F8: variants seen among roughly 807,000 people sequenced by gnomAD.
F8 encodes antihemophilic factor.
In F8, 12 loss-of-function variants were observed where a neutral mutation model predicts 140.6. The ratio of observed to expected loss-of-function variants is 0.09; its 90% CI spans 0.05 to 0.14. The LOEUF is 0.14. Among genes scored for constraint, F8 ranks in the 10% least tolerant of loss-of-function variants. The probability of loss-of-function intolerance (pLI) is 1.00; values close to 1 mark genes in which losing one functional copy is unlikely to be tolerated. For synonymous variants in F8, 585 were observed against 614.6 expected (o/e 0.95, Z 0.71); for missense variants, 1,354 against 1,720.7 (o/e 0.79, Z 3.77).
intron 13 of F8, among the ~76,000 whole-genome samples, chrX:154,937,523 A>G (rs2073231229): frequency 9.0e-6 from 1 of 110,808 alleles, no homozygotes; most frequent in Non-Finnish European, 1.9e-5. Context: ...AATATAAATA[A>G]CAATATCAGG....
At chrX:155,003,330 G>C (rs1557285803) in intron 1 of F8, among the ~76,000 whole-genome samples, 1 of 110,069 alleles carries the variant, frequency 9.1e-6, no homozygotes, top group East Asian at 2.8e-4. Flanking sequence ...TGGGCTCATT[G>C]GTTGATGAGA....
chrX:155,001,043 T>A (rs1396538526), intron 1 of F8, among the ~76,000 whole-genome samples: 3 of 111,319 alleles, frequency 2.7e-5, no homozygotes, highest in Non-Finnish European at 5.7e-5. Context: ...TAAGAAGGGG[T>A]CTGGGCATTT....
intron 14 of F8, among the ~76,000 whole-genome samples, chrX:154,914,262 C>T (rs2073083459): frequency 8.9e-6 from 1 of 112,832 alleles, no homozygotes; most frequent in Non-Finnish European, 1.9e-5. Flanking sequence ...GCATTTTTCC[C>T]TCCTAGGCCT....
chrX:154,909,277 G>T (rs782818642), intron 14 of F8: 3 of 142,733 alleles, frequency 2.1e-5, no homozygotes, highest in Non-Finnish European at 4.2e-5. Flanking sequence ...CAATTTTGTA[G>T]ACTTCCTGGA....
In F8 at chrX:154,931,672, T is replaced by C. The variant is rs782216619; in HGVS notation, c.2118A>G (p.Leu706=). The change falls in exon 14 of 26, where the codon CTA becomes CTG. Residue 706 remains leucine, a synonymous_variant. Transcript: ENST00000360256. The stretch of plus-strand genomic sequence containing the variant: ...CTGAGTTGTGGCACCCCAGAATCCA[T>C]AGACCTGGAGATGAGGAAGAATAAG... ...TVFMSMENPG[L]WILGCHNSDF... 1.7e-5 allele frequency: 20 copies of C among 1,204,537 alleles called. No individual in the cohort carries two copies. Among genetic ancestry groups the C allele is most frequent in the Admixed American group, 4.4e-5 (2 of 45,736 alleles).
intron 1 of F8, among the ~76,000 whole-genome samples, chrX:155,022,028 A>G (rs1351116077): frequency 8.9e-6 from 1 of 111,746 alleles, no homozygotes; most frequent in African/African-American, 3.3e-5. Flanking sequence ...AGAACCAGAC[A>G]TGAAACTTGT....
chrX:155,001,096 A>G (rs989283653), intron 1 of F8, among the ~76,000 whole-genome samples: 5 of 111,304 alleles, frequency 4.5e-5, no homozygotes, highest in East Asian at 2.8e-4. Context: ...TGAAATAACA[A>G]AAGTCTCATT....
At chrX:154,979,640 C>A (rs1470117300) in intron 6 of F8, among the ~76,000 whole-genome samples, 2 of 111,779 alleles carry the variant, frequency 1.8e-5, no homozygotes, top group Middle Eastern at 4.6e-3. Context: ...GGCCCCACAG[C>A]AGCCTGCAGC....
chrX:154,838,724 T>C (rs2072494011), intron 25 of F8, among the ~76,000 whole-genome samples: 2 of 111,831 alleles, frequency 1.8e-5, no homozygotes, highest in Admixed American at 9.5e-5. Flanking sequence ...TCAGTTTTAC[T>C]TCGGATTCCA....
chrX:154,924,426 G>C (rs1603433603), intron 14 of F8, among the ~76,000 whole-genome samples: 1 of 112,523 alleles, frequency 8.9e-6, no homozygotes, highest in African/African-American at 3.2e-5. Context: ...TGAGGAACTT[G>C]TTGGGAACTG....
At chrX:154,907,383 T>C (rs1397835930) in intron 14 of F8, among the ~76,000 whole-genome samples, 1 of 112,009 alleles carries the variant, frequency 8.9e-6, no homozygotes, top group African/African-American at 3.2e-5. Flanking sequence ...TGTTATAATC[T>C]TTGGCACTTT....
intron 21 of F8, among the ~76,000 whole-genome samples, chrX:154,898,476 C>T (rs1008309659): frequency 3.6e-5 from 4 of 111,846 alleles, no homozygotes; most frequent in Non-Finnish European, 5.6e-5. Flanking sequence ...GGGAGCATTC[C>T]GGAAACAGTG....
At chrX:155,019,299 TTTCA>T (rs1557287291) in intron 1 of F8, among the ~76,000 whole-genome samples, 2 of 112,448 alleles carry the variant, frequency 1.8e-5, no homozygotes, top group African/African-American at 6.5e-5. Flanking sequence ...GAATGTTCAC[TTTCA>T]TTGTTATTAT....
chrX:154,938,798 T>A (rs2073237913), intron 13 of F8, among the ~76,000 whole-genome samples: 1 of 108,635 alleles, frequency 9.2e-6, no homozygotes, highest in South Asian at 3.9e-4. Flanking sequence ...TGAAGGAAGT[T>A]CCAAAGAAGT....
intron 1 of F8, among the ~76,000 whole-genome samples, chrX:155,019,110 T>C (rs1481695633): frequency 8.9e-6 from 1 of 112,016 alleles, no homozygotes; most frequent in East Asian, 2.8e-4. Flanking sequence ...ACATAATTTG[T>C]TCATCAGCAT....
At chrX:154,959,372 C>T (rs1479284622) in intron 10 of F8, among the ~76,000 whole-genome samples, 2 of 109,174 alleles carry the variant, frequency 1.8e-5, no homozygotes, top group African/African-American at 3.4e-5. Flanking sequence ...GGTGACAGAG[C>T]GAGACGCTGT....
At position 154,904,183 on chromosome X, in the gene F8, T is replaced by C. The variant is rs782785541; in HGVS notation, c.5816-95A>G. 797 of 1,094,693 alleles carry C rather than the reference T, an allele frequency of 7.3e-4. 5 individuals carry two copies. In the South Asian group the frequency reaches 0.014, roughly 20 times the overall value. The allele number at this position is 1,094,693 out of a possible 1,213,427, so 90.2% of individuals were successfully genotyped here. ...AAACTGACATCTATGAGGATTCCAC[T>C]CCCACAGATATACTCTAAATAAATA... On this transcript the variant is annotated intron_variant, in intron 17 of 25. Coordinates refer to ENST00000360256, the MANE Select transcript of F8 (RefSeq NM_000132.4).
chrX:154,980,826 C>T (rs1557283472), intron 6 of F8, among the ~76,000 whole-genome samples: 1 of 111,562 alleles, frequency 9.0e-6, no homozygotes, highest in Non-Finnish European at 1.9e-5. Flanking sequence ...GAAAATTTAG[C>T]CAGGCATAGT....
intron 6 of F8, among the ~76,000 whole-genome samples, chrX:154,971,246 G>T (rs782244552): frequency 7.0e-4 from 78 of 111,164 alleles, no homozygotes; most frequent in African/African-American, 2.4e-3. Flanking sequence ...TAATTATATC[G>T]CCAGTCTAAT....
Sources: gnomAD v4.1 joint callset for allele counts (sites outside exome capture counted in the v4.1 genomes callset) on GRCh38, gnomAD v4.1.1 for gene constraint, MANE v1.5 for transcripts, NCBI Gene and HGNC (gene_info 2026-07-23, HGNC 2026-07-21) for gene names.